Variants in IFNAR1 observed in about 807,000 individuals in gnomAD.
IFNAR1 encodes interferon alpha/beta receptor 1.
Under a neutral mutation model 62.1 loss-of-function variants are expected in IFNAR1, and 47 were observed. That is an observed-to-expected ratio of 0.76 (90% CI 0.60 to 0.97). IFNAR1 has a LOEUF of 0.97. IFNAR1 is among the 50% of genes least tolerant of loss of function. The pLI is 0.00. For missense variants in IFNAR1, 638 were observed against 654.5 expected, an observed-to-expected ratio of 0.97 and a Z score of 0.27; for synonymous variants, 219 against 226.9, an observed-to-expected ratio of 0.97 and a Z score of 0.31.
At chr21:33,347,615 A>G (rs1411551648) in intron 6 of IFNAR1, among the ~76,000 whole-genome samples, 1 of 152,152 alleles carries the variant, frequency 6.6e-6, no homozygotes, top group Admixed American at 6.5e-5. Context: ...CCCACCCAGA[A>G]TAGTCTCTCA....
chr21:33,343,506 T>G, intron 4 of IFNAR1, 29 bp from the exon 5 acceptor site: 5 of 1,543,666 alleles, frequency 3.2e-6, no homozygotes, highest in Non-Finnish European at 4.4e-6. Context: ...TATACTTTTT[T>G]AAAGAACCAA....
In IFNAR1 at chr21:33,349,527, A is replaced by G. The variant is rs1172101540; in HGVS notation, c.1127A>G (p.Asn376Ser). Residue 376 changes from asparagine to serine, a missense_variant, in exon 8 of 11, where the codon AAC becomes AGC. Asn to Ser is a conservative substitution (Grantham distance 46). Transcript: ENST00000270139. ...ATTTATGAAATTATTTTTTGGGAAA[A>G]CACTTCAAATGCTGAGGTAAAAAGA... ...PLIYEIIFWE[N>S]TSNAERKIIE... is the part of the protein sequence containing the mutation. 2 of 1,606,370 alleles carry G rather than the reference A, an allele frequency of 1.2e-6. No individual in the cohort carries two copies. The highest frequency in any genetic ancestry group is 1.3e-5 in the African/African-American group (1 of 74,588).
chr21:33,340,557 A>T (rs1394405368), intron 2 of IFNAR1, among the ~76,000 whole-genome samples: 1 of 151,338 alleles, frequency 6.6e-6, no homozygotes, highest in African/African-American at 2.4e-5. Flanking sequence ...TCATAGAGAC[A>T]GGGTTTGCTA....
intron 1 of IFNAR1, among the ~76,000 whole-genome samples, chr21:33,330,520 T>C (rs2083166660): frequency 6.6e-6 from 1 of 152,100 alleles, no homozygotes; most frequent in Non-Finnish European, 1.5e-5. Flanking sequence ...TAACAACAAT[T>C]ACACAGCAAT....
intron 3 of IFNAR1, among the ~76,000 whole-genome samples, chr21:33,342,206 C>G (rs574016993): frequency 7.2e-4 from 109 of 151,974 alleles, no homozygotes; most frequent in African/African-American, 2.5e-3. Context: ...GCCAGAAGTT[C>G]AAGACCAACC....
At chr21:33,330,582 G>A (rs1190221702) in intron 1 of IFNAR1, among the ~76,000 whole-genome samples, 5 of 152,156 alleles carry the variant, frequency 3.3e-5, no homozygotes, top group Non-Finnish European at 5.9e-5. Flanking sequence ...AGTGATGTTA[G>A]CAAGATGGCC....
chr21:33,341,242 C>T, intron 3 of IFNAR1, 68 bp downstream of exon 3: 1 of 1,248,924 alleles, frequency 8.0e-7, no homozygotes, highest in Non-Finnish European at 1.1e-6. Flanking sequence ...ACTTTCCAAG[C>T]CATTCATTTG....
chr21:33,344,137 G>A (rs1034398550), intron 5 of IFNAR1, among the ~76,000 whole-genome samples: 22 of 151,912 alleles, frequency 1.4e-4, no homozygotes, highest in African/African-American at 4.8e-4. Context: ...GAGCAAGGGG[G>A]ACAAAGAGTA....
At chr21:33,342,943 A>G (rs2123684731) in intron 3 of IFNAR1, among the ~76,000 whole-genome samples, 1 of 151,240 alleles carries the variant, frequency 6.6e-6, no homozygotes, top group Admixed American at 6.6e-5. Flanking sequence ...TTCTGGCTTC[A>G]TCCCTCTGTA....
chr21:33,349,328 G>A, intron 7 of IFNAR1, 38 bp downstream of exon 7: 1 of 1,565,606 alleles, frequency 6.4e-7, no homozygotes, highest in Non-Finnish European at 8.7e-7. Context: ...GTAATTCTCT[G>A]GTGCAAGTTT....
At position 33,329,595 on chromosome 21, in the gene IFNAR1, A is replaced by G. The variant is rs144347334; in HGVS notation, c.76+4464A>G. Among the ~76,000 whole-genome samples the G allele has an allele frequency of 1.2e-3, 184 of 152,384 alleles. 1 individual carries two copies. Among genetic ancestry groups the G allele is most frequent in the African/African-American group, 4.3e-3 (177 of 41,602 alleles). On this transcript the variant is annotated intron_variant, in intron 1 of 10. Transcript: ENST00000270139. ...ATACAAGAACCCCTGTGGTAGAACA[A>G]GTCTACAACAAGATAACATGATTGC...
At chr21:33,353,186 T>C (rs1479020494) in intron 9 of IFNAR1, among the ~76,000 whole-genome samples, 1 of 152,242 alleles carries the variant, frequency 6.6e-6, no homozygotes, top group Non-Finnish European at 1.5e-5. Context: ...AATAAAACTA[T>C]TTTAAATTTT....
intron 1 of IFNAR1, among the ~76,000 whole-genome samples, chr21:33,330,131 A>T (rs1054450571): frequency 6.6e-6 from 1 of 152,228 alleles, no homozygotes; most frequent in African/African-American, 2.4e-5. Flanking sequence ...GCACGTTATT[A>T]GAGCAATCTG....
At chr21:33,342,707 A>AG (rs2083303886) in intron 3 of IFNAR1, among the ~76,000 whole-genome samples, 1 of 147,846 alleles carries the variant, frequency 6.8e-6, no homozygotes, top group Non-Finnish European at 1.5e-5. Context: ...AAAAAAAAAA[A>AG]CTAGCCGGGC....
intron 2 of IFNAR1, among the ~76,000 whole-genome samples, chr21:33,337,239 A>T (rs2083246514): frequency 1.3e-5 from 2 of 152,172 alleles, no homozygotes; most frequent in African/African-American, 2.4e-5. Context: ...ATAAATAAAT[A>T]AAATAAAATA....
chr21:33,349,254 TG>T lies in IFNAR1; in HGVS notation c.954del (p.Trp318CysfsTer5). 1 of 1,610,736 alleles carries T rather than the reference TG, an allele frequency of 6.2e-7. No homozygotes were observed. The highest frequency in any genetic ancestry group is 8.5e-7 in the Non-Finnish European group (1 of 1,177,828). Reference sequence around the variant, plus strand: ...ATCTGATGGAAATAACACATCTTTTTGGTCTGAAGAGATAAAGTTTGATACT... The same window carrying T: ...ATCTGATGGAAATAACACATCTTTTTGTCTGAAGAGATAAAGTTTGATACT... ...QASDGNNTSFWSEEIKFDTEI... is the reference protein window; with the variant it reads ...QASDGNNTSFXSEEIKFDTEI... On this transcript the variant is annotated frameshift_variant, in exon 7 of 11. Transcript: ENST00000270139. LOFTEE classifies it high-confidence loss of function.
chr21:33,332,489 C>A (rs1054252298), intron 1 of IFNAR1, among the ~76,000 whole-genome samples: 3 of 152,042 alleles, frequency 2.0e-5, no homozygotes, highest in Non-Finnish European at 4.4e-5. Context: ...AAATATGACA[C>A]CACCAAAGGA....
chr21:33,347,856 AT>A (rs926122160), intron 6 of IFNAR1, among the ~76,000 whole-genome samples: 32 of 152,186 alleles, frequency 2.1e-4, no homozygotes, highest in Non-Finnish European at 3.7e-4. Flanking sequence ...GTAGCAGAAC[AT>A]TTGGACACCA....
chr21:33,330,453 G>C (rs2083165724), intron 1 of IFNAR1, among the ~76,000 whole-genome samples: 1 of 152,092 alleles, frequency 6.6e-6, no homozygotes, highest in African/African-American at 2.4e-5. Flanking sequence ...ACATACCTAG[G>C]GAAAGGCTCA....
Sources: gnomAD v4.1 joint callset for allele counts (sites outside exome capture counted in the v4.1 genomes callset) on GRCh38, gnomAD v4.1.1 for gene constraint, MANE v1.5 for transcripts, NCBI Gene and HGNC (gene_info 2026-07-23, HGNC 2026-07-21) for gene names.